Variants in LTBP1 observed in about 807,000 individuals in gnomAD.
LTBP1 encodes the protein latent transforming growth factor beta binding protein 1, also known as latent-transforming growth factor beta-binding protein 1.
A neutral mutation model predicts 207.6 loss-of-function variants in LTBP1; 129 were observed. The observed-to-expected ratio is 0.62, with a 90% CI of 0.54 to 0.72. The LOEUF (loss-of-function observed/expected upper bound fraction) is 0.72. LTBP1 is among the 30% of genes least tolerant of loss of function. The pLI, the probability that LTBP1 is intolerant of heterozygous loss-of-function variation, is 0.00. For missense variants in LTBP1, 2,281 were observed against 2,217.2 expected (o/e 1.03, Z -0.58); for synonymous variants, 963 against 833.7 (o/e 1.16, Z -2.67).
chr2:33,322,900 T>C (rs1356071825), intron 24 of LTBP1, among the ~76,000 whole-genome samples: 1 of 152,230 alleles, frequency 6.6e-6, no homozygotes, highest in Non-Finnish European at 1.5e-5. Context: ...CTTTTGCTTT[T>C]TTTATTTCTT....
chr2:33,289,980 A>G (rs1334160904), intron 19 of LTBP1, among the ~76,000 whole-genome samples: 2 of 152,164 alleles, frequency 1.3e-5, no homozygotes, highest in African/African-American at 2.4e-5. Context: ...TATGAAGAAG[A>G]GAGGTTTATT....
intron 2 of LTBP1, among the ~76,000 whole-genome samples, chr2:32,998,586 T>C (rs1685653292): frequency 1.6e-5 from 2 of 126,132 alleles, no homozygotes; most frequent in Non-Finnish European, 3.3e-5. Flanking sequence ...AAAAAACATA[T>C]AACTGAATGT....
intron 7 of LTBP1, among the ~76,000 whole-genome samples, chr2:33,195,915 C>T (rs890728513): frequency 3.3e-5 from 5 of 152,120 alleles, no homozygotes; most frequent in Admixed American, 2.0e-4. Context: ...TGACAGTCAT[C>T]AACATCAAGG....
intron 9 of LTBP1, among the ~76,000 whole-genome samples, chr2:33,235,370 G>C (rs1483021743): frequency 6.6e-6 from 1 of 152,196 alleles, no homozygotes. Context: ...ACGTCAGTTA[G>C]AATGGCGATC....
Position 32,947,044 on chromosome 2 carries a change from C to G in LTBP1, c.-281C>G, listed in dbSNP as rs1008930919. 113 of 267,624 alleles carry G rather than the reference C, an allele frequency of 4.2e-4. 1 individual carries two copies. The highest frequency in any genetic ancestry group is 2.1e-3 in the Middle Eastern group (2 of 966). The allele number at this position is 267,624 out of a possible 1,614,324, so 16.6% of individuals were successfully genotyped here. Reference sequence around the variant, plus strand: ...CAACCCCCGGCCGGACGCGCGGACCCTCACCTTGCGCGGCCCGCTCCCCTC... The same window carrying G: ...CAACCCCCGGCCGGACGCGCGGACCGTCACCTTGCGCGGCCCGCTCCCCTC... On this transcript the variant is annotated 5_prime_UTR_variant, in exon 1 of 34. Coordinates refer to ENST00000404816, the MANE Select transcript of LTBP1 (RefSeq NM_206943.4).
intron 3 of LTBP1, among the ~76,000 whole-genome samples, chr2:33,086,593 C>T (rs779939339): frequency 6.6e-5 from 10 of 152,180 alleles, no homozygotes; most frequent in Non-Finnish European, 1.3e-4. Context: ...TCATTTATTT[C>T]TTTATTGCAA....
chr2:33,043,647 A>G (rs944286161), intron 3 of LTBP1, among the ~76,000 whole-genome samples: 15 of 152,146 alleles, frequency 9.9e-5, no homozygotes, highest in African/African-American at 3.1e-4. Flanking sequence ...TCTGTAAGCA[A>G]TTGCTCAGAG....
chr2:33,078,389 A>T (rs397240), intron 3 of LTBP1, among the ~76,000 whole-genome samples: 3 of 152,046 alleles, frequency 2.0e-5, no homozygotes, highest in South Asian at 2.1e-4. Flanking sequence ...ATTTTGAAGC[A>T]GTTAGACCTT....
intron 28 of LTBP1, among the ~76,000 whole-genome samples, chr2:33,362,470 C>T (rs549362221): frequency 3.1e-4 from 47 of 152,250 alleles, no homozygotes; most frequent in African/African-American, 1.1e-3. Context: ...AATCTCACTT[C>T]ATATTAAGGT....
At chr2:33,207,141 C>G (rs2089945490) in intron 7 of LTBP1, among the ~76,000 whole-genome samples, 1 of 152,158 alleles carries the variant, frequency 6.6e-6, no homozygotes, top group South Asian at 2.1e-4. Context: ...AGCACAGATT[C>G]TATCTTTTCT....
chr2:33,171,551 G>A (rs536450066), intron 5 of LTBP1, among the ~76,000 whole-genome samples: 215 of 150,802 alleles, frequency 1.4e-3, no homozygotes, highest in Non-Finnish European at 2.2e-3. Flanking sequence ...TGAAAGTGAC[G>A]GGGAGAATGG....
At chr2:32,995,999 A>G (rs1429449065) in intron 2 of LTBP1, among the ~76,000 whole-genome samples, 1 of 152,156 alleles carries the variant, frequency 6.6e-6, no homozygotes, top group Non-Finnish European at 1.5e-5. Flanking sequence ...CTACCATGCT[A>G]TGTTGCTTTC....
At chr2:33,046,174 G>T (rs148705819) in intron 3 of LTBP1, among the ~76,000 whole-genome samples, 1 of 152,138 alleles carries the variant, frequency 6.6e-6, no homozygotes. Flanking sequence ...ATGAGAGAGG[G>T]CATTCTTGTC....
intron 3 of LTBP1, among the ~76,000 whole-genome samples, chr2:33,024,947 C>G (rs1323092176): frequency 1.3e-5 from 2 of 152,196 alleles, no homozygotes; most frequent in Non-Finnish European, 2.9e-5. Flanking sequence ...AATCCACTGC[C>G]AAGATGGCTC....
chr2:33,035,958 A>G (rs2075899175), intron 3 of LTBP1, among the ~76,000 whole-genome samples: 1 of 152,220 alleles, frequency 6.6e-6, no homozygotes, highest in African/African-American at 2.4e-5. Flanking sequence ...TTTCCCAGAA[A>G]ATAATTTATA....
chr2:33,259,485 C>T, intron 12 of LTBP1, 103 bp from the exon 13 acceptor site: 1 of 816,410 alleles, frequency 1.2e-6, no homozygotes, highest in Non-Finnish European at 1.9e-6. Context: ...ATTCTTAATC[C>T]TTTTGCAGAG....
At chr2:33,135,900 G>C (rs1218593569) in intron 5 of LTBP1, among the ~76,000 whole-genome samples, 1 of 152,218 alleles carries the variant, frequency 6.6e-6, no homozygotes, top group Non-Finnish European at 1.5e-5. Context: ...ATGTCAGACA[G>C]ATAATAACAC....
chr2:33,163,738 A>G (rs75645543), intron 5 of LTBP1, among the ~76,000 whole-genome samples: 2,258 of 152,308 alleles, frequency 0.015, 23 homozygotes, highest in East Asian at 0.027. Context: ...AGGACTTTCA[A>G]ATAAAACATA....
intron 3 of LTBP1, among the ~76,000 whole-genome samples, chr2:33,087,053 C>T (rs2078798889): frequency 7.1e-6 from 1 of 140,412 alleles, no homozygotes; most frequent in Admixed American, 7.4e-5. Flanking sequence ...GGATTCTGGA[C>T]ACAGAAGCAC....
Sources: allele counts gnomAD v4.1 joint callset (sites outside exome capture counted in the v4.1 genomes callset), GRCh38; gene constraint gnomAD v4.1.1; transcripts MANE v1.5; gene names NCBI Gene and HGNC (gene_info 2026-07-23, HGNC 2026-07-21).